TFDP1: variants seen among roughly 807,000 people sequenced by gnomAD.
The protein encoded by TFDP1 is DRTF1-polypeptide 1.
In TFDP1, 6 loss-of-function variants were observed where a neutral mutation model predicts 48.0. The observed-to-expected ratio is 0.13, with a 90% CI of 0.07 to 0.25. The LOEUF (loss-of-function observed/expected upper bound fraction) is 0.25, where lower values mean the gene tolerates loss of function less well. Ranked by LOEUF, TFDP1 falls within the 10% of genes least tolerant of loss-of-function variation. The pLI is 1.00. For missense variants in TFDP1, 335 were observed against 543.0 expected (o/e 0.62, Z 3.81); for synonymous variants, 201 against 211.6 (o/e 0.95, Z 0.44).
intron 4 of TFDP1, among the ~76,000 whole-genome samples, chr13:113,626,978 A>G (rs1428856427): frequency 2.0e-5 from 3 of 152,252 alleles, no homozygotes. Context: ...AAACTTCGTC[A>G]CTGAAAGTCA....
In TFDP1 at chr13:113,613,907, G is replaced by A. The variant is rs9603851; in HGVS notation, c.79+2845G>A. 2.2e-3 allele frequency among the ~76,000 whole-genome samples: 326 copies of A among 151,396 alleles called. 1 individual carries two copies. Among genetic ancestry groups the A allele is most frequent in the African/African-American group, 7.4e-3 (306 of 41,132 alleles). ...GATGTGAGTGTACCTGTGAGTTTGC[G>A]TGTGTGTGCATGCGTGTGAGTTGTG... is the stretch of plus-strand genomic sequence containing the variant. On this transcript the variant is annotated intron_variant, in intron 3 of 11. Transcript: ENST00000375370.
intron 8 of TFDP1, 75 bp from the exon 9 acceptor site, chr13:113,635,902 T>C: frequency 2.0e-6 from 3 of 1,522,290 alleles, no homozygotes; most frequent in Non-Finnish European, 2.7e-6. Flanking sequence ...CAGGGAGGGC[T>C]GTGAGGACCC....
intron 3 of TFDP1, among the ~76,000 whole-genome samples, chr13:113,614,302 C>T (rs929153253): frequency 8.5e-5 from 13 of 152,098 alleles, no homozygotes; most frequent in African/African-American, 3.1e-4. Context: ...GTCCTCGCCT[C>T]CCCAACAGAC....
intron 2 of TFDP1, among the ~76,000 whole-genome samples, chr13:113,608,280 T>C (rs1160968095): frequency 6.6e-6 from 1 of 152,184 alleles, no homozygotes; most frequent in African/African-American, 2.4e-5. Flanking sequence ...CCCTGTACTT[T>C]TTAGCAGGCG....
chr13:113,585,114 C>G (rs1333025071), intron 1 of TFDP1, among the ~76,000 whole-genome samples: 2 of 146,868 alleles, frequency 1.4e-5, no homozygotes, highest in African/African-American at 4.9e-5. Context: ...GCCCGGCCCT[C>G]CCGGCCGACA....
At chr13:113,606,523 A>G (rs1035221119) in intron 2 of TFDP1, among the ~76,000 whole-genome samples, 4 of 152,006 alleles carry the variant, frequency 2.6e-5, no homozygotes, top group African/African-American at 7.3e-5. Context: ...TGGCCCAGTC[A>G]CTTCCAAATA....
At chr13:113,635,533 C>T (rs2049461150) in intron 8 of TFDP1, among the ~76,000 whole-genome samples, 1 of 152,326 alleles carries the variant, frequency 6.6e-6, no homozygotes, top group South Asian at 2.1e-4. Flanking sequence ...CCTATTCCCC[C>T]AGAGGAGCAC....
At chr13:113,628,040 C>T (rs915515214) in intron 4 of TFDP1, among the ~76,000 whole-genome samples, 4 of 152,138 alleles carry the variant, frequency 2.6e-5, no homozygotes, top group Admixed American at 6.5e-5. Context: ...CGACTGCTGG[C>T]GTGGAAGCTG....
intron 4 of TFDP1, among the ~76,000 whole-genome samples, chr13:113,630,416 T>A (rs1360615887): frequency 6.6e-6 from 1 of 152,098 alleles, no homozygotes; most frequent in Non-Finnish European, 1.5e-5. Flanking sequence ...CTAGGGATAA[T>A]TGGAAAGTGT....
At position 113,623,244 on chromosome 13, in the gene TFDP1, A is replaced by G. The variant is rs750096641; in HGVS notation, c.144A>G (p.Pro48=). 1 of 1,613,154 alleles carries G rather than the reference A, an allele frequency of 6.2e-7. No homozygotes were observed. The highest frequency in any genetic ancestry group is 8.5e-7 in the Non-Finnish European group (1 of 1,179,616). The change falls in exon 4 of 12, where the codon CCA becomes CCG. Residue 48 remains proline, a synonymous_variant. Transcript: ENST00000375370. This position sits in a 1 kb window ranked among gnomAD's most constrained non-coding sequence, Gnocchi z 5.2. Reference sequence around the variant, plus strand: ...ACCCGCTCGGGAAGCAGCTCTTGCCAAAAACCTTTGGACAGTCCAATGTCA... The same window carrying G: ...ACCCGCTCGGGAAGCAGCTCTTGCCGAAAACCTTTGGACAGTCCAATGTCA... ...TVNPLGKQLL[P]KTFGQSNVNI... is the part of the protein sequence containing the mutation.
intron 3 of TFDP1, among the ~76,000 whole-genome samples, chr13:113,615,930 A>G (rs1189141087): frequency 6.6e-6 from 1 of 151,984 alleles, no homozygotes; most frequent in East Asian, 1.9e-4. Flanking sequence ...TAGGCTGGGC[A>G]TGGTGGCTCA....
At chr13:113,602,689 G>T (rs1347820752) in intron 2 of TFDP1, among the ~76,000 whole-genome samples, 1 of 152,204 alleles carries the variant, frequency 6.6e-6, no homozygotes. Flanking sequence ...GAGTGGCTGT[G>T]ACAGAGACTG....
chr13:113,640,053 C>A, intron 11 of TFDP1, 67 bp from the exon 12 acceptor site: 4 of 1,207,990 alleles, frequency 3.3e-6, no homozygotes, highest in South Asian at 1.4e-5. Flanking sequence ...TGACCACAAG[C>A]CCTGAGGCGG....
At chr13:113,605,823 T>C (rs2048549854) in intron 2 of TFDP1, among the ~76,000 whole-genome samples, 1 of 151,796 alleles carries the variant, frequency 6.6e-6, no homozygotes. Context: ...CTGCAGGGGA[T>C]CCTGTGGGAA....
At chr13:113,587,948 C>T (rs2048046084) in intron 2 of TFDP1, among the ~76,000 whole-genome samples, 5 of 152,142 alleles carry the variant, frequency 3.3e-5, no homozygotes, top group Admixed American at 3.3e-4. Flanking sequence ...CCTTGGCCTC[C>T]TGGGTTCAAG....
chr13:113,622,240 G>A (rs1308533072), intron 3 of TFDP1, among the ~76,000 whole-genome samples: 2 of 152,188 alleles, frequency 1.3e-5, no homozygotes, highest in African/African-American at 4.8e-5. Flanking sequence ...GTGGTCCCCC[G>A]GGCCCAGCTG....
Position 113,587,880 on chromosome 13 carries a change from C to T in TFDP1, c.12+2031C>T, listed in dbSNP as rs185829740. ...GGTGTTTTGTTTTTGTTTTTTGAGA[C>T]GGAGTTTTGCTTGTTGCCCAGGCTA... is the stretch of plus-strand genomic sequence containing the variant. On this transcript the variant is annotated intron_variant, in intron 2 of 11. Coordinates refer to ENST00000375370, the MANE Select transcript of TFDP1 (RefSeq NM_007111.5). Among the ~76,000 whole-genome samples, 24 of 152,220 alleles carry T rather than the reference C, an allele frequency of 1.6e-4. No individual in the cohort carries two copies. In the East Asian group the frequency reaches 2.7e-3, roughly 17 times the overall value.
At chr13:113,616,163 A>G (rs1390499204) in intron 3 of TFDP1, among the ~76,000 whole-genome samples, 1 of 150,610 alleles carries the variant, frequency 6.6e-6, no homozygotes, top group Non-Finnish European at 1.5e-5. Context: ...AGATTGCTCC[A>G]CTGCACTCTA....
intron 2 of TFDP1, among the ~76,000 whole-genome samples, chr13:113,599,389 C>G (rs76742574): frequency 0.011 from 1,678 of 152,312 alleles, 33 homozygotes; most frequent in African/African-American, 0.038. Flanking sequence ...ACATAGGCAG[C>G]ATTTACATTT....
Sources: allele counts gnomAD v4.1 joint callset (sites outside exome capture counted in the v4.1 genomes callset), GRCh38; gene constraint gnomAD v4.1.1; non-coding constraint Gnocchi (gnomAD v3.1); transcripts MANE v1.5; gene names NCBI Gene and HGNC (gene_info 2026-07-23, HGNC 2026-07-21).